RNF32: variants seen among roughly 807,000 people sequenced by gnomAD.
The protein encoded by RNF32 is ring finger protein 32.
RNF32 carries 36 observed loss-of-function variants against 41.0 expected under a neutral mutation model. The observed-to-expected ratio is 0.88, with a 90% CI of 0.67 to 1.16. RNF32 has a LOEUF of 1.16. Among genes scored for constraint, RNF32 ranks in the 50% most tolerant of loss-of-function variants. RNF32 has a pLI of 0.00. For synonymous variants in RNF32, 154 were observed against 160.9 expected (o/e 0.96, Z 0.32); for missense variants, 413 against 436.7 (o/e 0.95, Z 0.48).
At position 156,644,667 on chromosome 7, in the gene RNF32, A is replaced by G. The variant is rs944161227; in HGVS notation, c.184A>G (p.Thr62Ala). The G allele has an allele frequency of 6.2e-7, 1 of 1,612,678 alleles. No individual in the cohort carries two copies. The highest frequency in any genetic ancestry group is 1.7e-5 in the Admixed American group (1 of 59,920). Residue 62 changes from threonine (T) to alanine (A), a missense_variant, in exon 3 of 9, where the codon ACT becomes GCT. Thr to Ala is a moderately conservative substitution (Grantham distance 58, BLOSUM62 0). Coordinates refer to ENST00000317955, the MANE Select transcript of RNF32 (RefSeq NM_030936.4). Reference protein sequence around the residue: ...LKRDTKAIIDTGLKKTTQCPK... With the variant: ...LKRDTKAIIDAGLKKTTQCPK... ...AAGAGATACAAAGGCAATAATAGAT[A>G]CTGGACTTAAAAAAACTACACAGTG... is the stretch of plus-strand genomic sequence containing the variant.
At chr7:156,641,177 C>G (rs149999716) in intron 1 of RNF32, among the ~76,000 whole-genome samples, 256 of 152,336 alleles carry the variant, frequency 1.7e-3, no homozygotes, top group African/African-American at 5.9e-3. Context: ...CGTCACCGCG[C>G]GCTTCCTGCA....
intron 7 of RNF32, chr7:156,659,955 T>C (rs923721841): frequency 4.1e-6 from 4 of 985,338 alleles, no homozygotes; most frequent in Non-Finnish European, 4.8e-6. Context: ...TAATTCAGTG[T>C]CTCCCACAGA....
chr7:156,641,668 G>A (rs1216025077), intron 1 of RNF32, among the ~76,000 whole-genome samples: 4 of 152,218 alleles, frequency 2.6e-5, no homozygotes, highest in Non-Finnish European at 5.9e-5. Flanking sequence ...GTGGTCTACT[G>A]TGTAGAAACT....
rs748625528 is a variant in RNF32, at chr7:156,676,650, T to C, written c.1084T>C (p.Cys362Arg). The C allele has an allele frequency of 6.2e-6, 10 of 1,612,396 alleles. No homozygotes were observed. The South Asian group carries it at 1.1e-4, about 18-fold the overall frequency. The part of the protein sequence containing the change: ...RSCYQKKILE[C>R] ...CTGCTACCAGAAGAAGATTCTTGAA[T>C]GTTGAATTCATAGTCAAGGAAAGTT... The change falls in exon 9 of 9, where the codon TGT becomes CGT. Residue 362 changes from cysteine to arginine, a missense_variant. Cys to Arg is a radical substitution (Grantham distance 180, BLOSUM62 -3). Transcript: ENST00000317955.
At chr7:156,648,046 C>G (rs1251835325) in intron 3 of RNF32, among the ~76,000 whole-genome samples, 2 of 144,926 alleles carry the variant, frequency 1.4e-5, no homozygotes, top group East Asian at 4.0e-4. Flanking sequence ...TTTTTTCTTG[C>G]TGATTTGTTT....
At chr7:156,642,863 A>C (rs1797546533) in intron 1 of RNF32, 2 of 152,228 alleles carry the variant, frequency 1.3e-5, no homozygotes, top group South Asian at 4.1e-4. Context: ...GCTGGGGATC[A>C]ATTTTTTTTC....
At chr7:156,640,505 G>A (rs1381446562), upstream of RNF32, 3 of 355,944 alleles carry the variant, frequency 8.4e-6, no homozygotes, top group South Asian at 2.1e-5. Flanking sequence ...CCCCAAAAAC[G>A]CCCGCTGCGC....
At chr7:156,649,890 CA>C (rs1798480507) in intron 3 of RNF32, among the ~76,000 whole-genome samples, 2 of 152,220 alleles carry the variant, frequency 1.3e-5, no homozygotes, top group African/African-American at 4.8e-5. Flanking sequence ...GTTTTATTAT[CA>C]AAGCCATATA....
At chr7:156,640,286 G>C (rs1053696498), upstream of RNF32, 6 of 448,822 alleles carry the variant, frequency 1.3e-5, no homozygotes, top group African/African-American at 8.1e-5. Flanking sequence ...ACCCTGGAAC[G>C]GGAACGACCA....
Position 156,665,707 on chromosome 7 carries a change from C to T in RNF32, c.684+7137C>T, listed in dbSNP as rs1045032. 2.8e-4 allele frequency among the ~76,000 whole-genome samples: 42 copies of T among 152,328 alleles called. 1 individual carries two copies. The highest frequency in any genetic ancestry group is 9.4e-4 in the African/African-American group (39 of 41,574). ...TCAGTGGCTGATTCTCCACTCCCACCCACCAGCCATCTCGATTCTGCACTC... is the reference window on the plus strand; with the variant it reads ...TCAGTGGCTGATTCTCCACTCCCACTCACCAGCCATCTCGATTCTGCACTC... On this transcript the variant is annotated intron_variant, in intron 7 of 8. Coordinates refer to ENST00000317955, the MANE Select transcript of RNF32 (RefSeq NM_030936.4).
chr7:156,644,604 AAG>A lies in RNF32; in HGVS notation c.123_124del (p.Lys41AsnfsTer24), dbSNP rs754748928. On this transcript the variant is annotated frameshift_variant, in exon 3 of 9. Transcript: ENST00000317955. LOFTEE classifies it high-confidence loss of function. ...LRNLSVADHS[K>X]TQVQKKENKS... ...AAATCTTTCAGTTGCAGATCATTCT[AAG>A]ACACAAGTACAAAAGAAAGAGAACA... The A allele has an allele frequency of 7.6e-5, 123 of 1,613,476 alleles. No homozygotes were observed. The South Asian group carries it at 1.2e-3, about 16-fold the overall frequency.
intron 7 of RNF32, among the ~76,000 whole-genome samples, chr7:156,675,168 G>A (rs568169655): frequency 6.6e-6 from 1 of 152,370 alleles, no homozygotes; most frequent in South Asian, 2.1e-4. Context: ...CGAAGAGACA[G>A]TAACGCCTGA....
intron 3 of RNF32, among the ~76,000 whole-genome samples, chr7:156,647,392 T>C (rs1404709936): frequency 1.3e-5 from 2 of 151,914 alleles, no homozygotes. Context: ...TATACCACTG[T>C]GTATGCCTTT....
chr7:156,646,475 A>T, intron 3 of RNF32: 1 of 1,302,064 alleles, frequency 7.7e-7, no homozygotes, highest in African/African-American at 1.5e-5. Flanking sequence ...TAGGATGTAC[A>T]GCCAACTTTA....
chr7:156,650,489 T>C (rs1191796484), intron 3 of RNF32, among the ~76,000 whole-genome samples: 3 of 152,208 alleles, frequency 2.0e-5, no homozygotes, highest in Non-Finnish European at 4.4e-5. Flanking sequence ...GGACGTGCTA[T>C]TGATTTTAAA....
chr7:156,676,415 G>C lies in RNF32; in HGVS notation c.853-4G>C, dbSNP rs911826869. 6.2e-7 allele frequency: 1 copy of C among 1,614,016 alleles called. No homozygotes were observed. Among genetic ancestry groups the C allele is most frequent in the African/African-American group, 1.3e-5 (1 of 75,036 alleles). ...GTGGCCTCTTCCCGTCCTGTGTGCC[G>C]CAGGCTCTGCGCCGGGAGACCCACG... On this transcript the variant is annotated splice_polypyrimidine_tract_variant and splice_region_variant and intron_variant, in intron 8 of 8. Coordinates refer to ENST00000317955, the MANE Select transcript of RNF32 (RefSeq NM_030936.4).
At chr7:156,672,431 C>G (rs1802757074) in intron 7 of RNF32, among the ~76,000 whole-genome samples, 1 of 152,192 alleles carries the variant, frequency 6.6e-6, no homozygotes, top group African/African-American at 2.4e-5. Context: ...TAGGTGACAT[C>G]AGTATTGGAC....
intron 7 of RNF32, among the ~76,000 whole-genome samples, chr7:156,673,918 A>AAAAAG (rs1803187093): frequency 7.7e-6 from 1 of 129,906 alleles, no homozygotes; most frequent in South Asian, 2.3e-4. Context: ...AAAAAAAAAA[A>AAAAAG]AAAAGAAAAA....
At chr7:156,640,636 G>A (rs1313287081), upstream of RNF32, 5 of 388,400 alleles carry the variant, frequency 1.3e-5, no homozygotes, top group Admixed American at 6.2e-5. Context: ...AATGTGGGCC[G>A]GGCGGGGCTG....
Sources: allele counts gnomAD v4.1 joint callset (sites outside exome capture counted in the v4.1 genomes callset), GRCh38; gene constraint gnomAD v4.1.1; transcripts MANE v1.5; gene names NCBI Gene and HGNC (gene_info 2026-07-23, HGNC 2026-07-21).